The following BMPER variants were observed in gnomAD, a reference collection of about 807,000 sequenced individuals.
BMPER encodes BMP-binding endothelial regulator protein.
Under a neutral mutation model 87.3 loss-of-function variants are expected in BMPER, and 45 were observed. The ratio of observed to expected loss-of-function variants is 0.52; its 90% CI spans 0.41 to 0.66. The LOEUF is 0.66. BMPER is among the 30% of genes least tolerant of loss of function. The pLI is 0.00. For synonymous variants in BMPER, 326 were observed against 316.2 expected (o/e 1.03, Z -0.33); for missense variants, 784 against 867.5 (o/e 0.90, Z 1.21).
intron 7 of BMPER, among the ~76,000 whole-genome samples, chr7:34,048,805 T>C (rs1010165843): frequency 2.6e-5 from 4 of 152,206 alleles, no homozygotes; most frequent in African/African-American, 4.8e-5. Context: ...TAGACCCCCA[T>C]GGAATGACAT....
chr7:34,131,278 G>A (rs771346571), intron 13 of BMPER, among the ~76,000 whole-genome samples: 98 of 152,124 alleles, frequency 6.4e-4, no homozygotes, highest in Non-Finnish European at 1.2e-3. Context: ...AGTGGACTGA[G>A]CTATCCCTCG....
At chr7:34,065,371 C>G (rs79073665) in intron 11 of BMPER, among the ~76,000 whole-genome samples, 11,549 of 152,150 alleles carry the variant, frequency 0.076, 611 homozygotes, top group African/African-American at 0.15. Context: ...AACAGCATCC[C>G]TGGCCTCTAA....
rs772932751 is a variant in BMPER, at chr7:34,079,080, G to A, written c.1302G>A (p.Gln434=). The change falls in exon 12 of 15, where the codon CAG becomes CAA. Residue 434 remains glutamine (Q), a synonymous_variant. Coordinates refer to ENST00000649409, the MANE Select transcript of BMPER (RefSeq NM_001365308.1). ...VLGESRVSLQ[Q]HLTVRWNGSR... ...GCGAGAGCAGGGTCAGCCTGCAGCA[G>A]CACCTCACCGTGCGCTGGAACGGCT... is the stretch of plus-strand genomic sequence containing the variant. 1 of 1,614,066 alleles carries A rather than the reference G, an allele frequency of 6.2e-7. No individual in the cohort carries two copies. The highest frequency in any genetic ancestry group is 1.1e-5 in the South Asian group (1 of 91,078).
intron 2 of BMPER, among the ~76,000 whole-genome samples, chr7:33,908,853 G>A (rs1783883975): frequency 6.6e-6 from 1 of 152,186 alleles, no homozygotes; most frequent in South Asian, 2.1e-4. Context: ...AGTTGTCACA[G>A]TCATTGCTGC....
chr7:34,043,543 T>C (rs1405019360), intron 6 of BMPER, among the ~76,000 whole-genome samples: 1 of 152,134 alleles, frequency 6.6e-6, no homozygotes, highest in East Asian at 1.9e-4. Context: ...GAACACATGG[T>C]CTCTATTATA....
intron 2 of BMPER, among the ~76,000 whole-genome samples, chr7:33,926,395 T>G (rs773322984): frequency 6.6e-6 from 1 of 152,208 alleles, no homozygotes; most frequent in South Asian, 2.1e-4. Flanking sequence ...AATTAATGAT[T>G]AAGGGTTCTA....
chr7:34,088,382 C>T (rs1048907390), intron 13 of BMPER, among the ~76,000 whole-genome samples: 2 of 152,202 alleles, frequency 1.3e-5, no homozygotes, highest in African/African-American at 4.8e-5. Flanking sequence ...CAGTGTTGGC[C>T]AGATCCTGTT....
At chr7:33,986,087 G>T (rs1786004448) in intron 6 of BMPER, among the ~76,000 whole-genome samples, 1 of 152,078 alleles carries the variant, frequency 6.6e-6, no homozygotes, top group African/African-American at 2.4e-5. Context: ...TAACTCCTTC[G>T]TTTTGAGATT....
intron 13 of BMPER, among the ~76,000 whole-genome samples, chr7:34,106,766 G>A (rs1789829849): frequency 6.6e-6 from 1 of 152,158 alleles, no homozygotes; most frequent in Admixed American, 6.5e-5. Flanking sequence ...TCTCTACCTT[G>A]CCTACCTGTT....
At chr7:33,920,659 T>C (rs1452958330) in intron 2 of BMPER, among the ~76,000 whole-genome samples, 1 of 151,830 alleles carries the variant, frequency 6.6e-6, no homozygotes, top group Non-Finnish European at 1.5e-5. Context: ...CTCCTGACTT[T>C]GTGATCTGTC....
At chr7:34,028,454 T>C (rs1787418454) in intron 6 of BMPER, among the ~76,000 whole-genome samples, 1 of 151,842 alleles carries the variant, frequency 6.6e-6, no homozygotes, top group Non-Finnish European at 1.5e-5. Context: ...CCAAAACTCT[T>C]TGGTAGGTTC....
At chr7:34,100,625 T>G (rs1789656450) in intron 13 of BMPER, among the ~76,000 whole-genome samples, 1 of 152,192 alleles carries the variant, frequency 6.6e-6, no homozygotes, top group South Asian at 2.1e-4. Context: ...GGTCAAATCA[T>G]TTTTCCCCTG....
rs116453587 is a variant in BMPER at position 33,928,965 on chromosome 7, C to T, written c.220-8324C>T. Among the ~76,000 whole-genome samples, 802 of 152,302 alleles carry T rather than the reference C, an allele frequency of 5.3e-3. 6 individuals are homozygous for T. The highest frequency in any genetic ancestry group is 0.017 in the African/African-American group (695 of 41,550). On this transcript the variant is annotated intron_variant, in intron 2 of 14. Transcript: ENST00000649409. ...GGGTCTTACTTCTTTCCTCCACCCC[C>T]CTGCCTTTTTCTTTAATCTCCCTCT...
intron 12 of BMPER, among the ~76,000 whole-genome samples, chr7:34,082,577 C>T (rs1049399130): frequency 6.6e-6 from 1 of 152,032 alleles, no homozygotes; most frequent in African/African-American, 2.4e-5. Context: ...TATTCTCTTA[C>T]TTTGGGGATC....
intron 13 of BMPER, among the ~76,000 whole-genome samples, chr7:34,139,683 C>T (rs185931328): frequency 1.3e-5 from 2 of 152,276 alleles, no homozygotes; most frequent in Non-Finnish European, 2.9e-5. Context: ...TGTGATGACA[C>T]GATGTTGAAA....
intron 12 of BMPER, 31 bp from the exon 13 acceptor site, chr7:34,085,721 GTGAT>G: frequency 6.4e-7 from 1 of 1,556,946 alleles, no homozygotes; most frequent in Non-Finnish European, 8.8e-7. Flanking sequence ...GCGTTAATGA[GTGAT>G]TGATTTCCTT....
intron 12 of BMPER, among the ~76,000 whole-genome samples, chr7:34,084,869 C>A (rs915439508): frequency 1.3e-5 from 2 of 152,216 alleles, no homozygotes; most frequent in African/African-American, 4.8e-5. Flanking sequence ...TGCATACTTT[C>A]AGATAATTTC....
chr7:33,971,623 G>A (rs1340431189), intron 5 of BMPER, among the ~76,000 whole-genome samples: 2 of 152,124 alleles, frequency 1.3e-5, no homozygotes, highest in Non-Finnish European at 2.9e-5. Flanking sequence ...GATGCCTACA[G>A]TATCTTTATT....
chr7:34,031,605 G>A (rs192496465), intron 6 of BMPER, among the ~76,000 whole-genome samples: 4 of 151,680 alleles, frequency 2.6e-5, no homozygotes, highest in East Asian at 2.0e-4. Flanking sequence ...TCATAGCCCC[G>A]TTCTCTTGGC....
Sources: gnomAD v4.1 joint callset for allele counts (sites outside exome capture counted in the v4.1 genomes callset) on GRCh38, gnomAD v4.1.1 for gene constraint, MANE v1.5 for transcripts, NCBI Gene and HGNC (gene_info 2026-07-23, HGNC 2026-07-21) for gene names.